Variants in BFSP1 observed in about 807,000 individuals in gnomAD.
BFSP1 encodes the protein filensin.
BFSP1 carries 38 observed loss-of-function variants against 43.9 expected under a neutral mutation model. The ratio of observed to expected loss-of-function variants is 0.87; its 90% CI spans 0.67 to 1.14. The LOEUF (loss-of-function observed/expected upper bound fraction) is 1.14. Ranked by LOEUF, BFSP1 falls within the 50% of genes most tolerant of loss-of-function variation. BFSP1 has a pLI of 0.00. For synonymous variants in BFSP1, 352 were observed against 354.8 expected, an observed-to-expected ratio of 0.99 and a Z score of 0.09; for missense variants, 850 against 875.1, an observed-to-expected ratio of 0.97 and a Z score of 0.36.
intron 4 of BFSP1, among the ~76,000 whole-genome samples, chr20:17,509,203 G>C (rs537329454): frequency 6.6e-6 from 1 of 152,314 alleles, no homozygotes; most frequent in Non-Finnish European, 1.5e-5. Flanking sequence ...GCCCCATCAT[G>C]TGATTAGGGT....
rs555798451 is a variant in BFSP1 at position 17,522,743 on chromosome 20, C to A, written c.438+2105G>T. Among the ~76,000 whole-genome samples, 16 of 152,304 alleles carry A rather than the reference C, an allele frequency of 1.1e-4. No individual in the cohort carries two copies. The South Asian group carries it at 3.1e-3, about 30-fold the overall frequency. ...CAGCACCACCAGGTGATGGGCAAGTCATATACATTATTACATCATTTAGTT... is the reference window on the plus strand; with the variant it reads ...CAGCACCACCAGGTGATGGGCAAGTAATATACATTATTACATCATTTAGTT... On this transcript the variant is annotated intron_variant, in intron 2 of 7. Transcript: ENST00000377873.
chr20:17,519,478 C>G (rs1188829352), intron 2 of BFSP1, among the ~76,000 whole-genome samples: 1 of 152,196 alleles, frequency 6.6e-6, no homozygotes, highest in East Asian at 1.9e-4. Context: ...GGGCTGAGGC[C>G]AGACTGATGC....
At chr20:17,536,412 G>A (rs1017734740) in intron 1 of BFSP1, among the ~76,000 whole-genome samples, 14 of 152,152 alleles carry the variant, frequency 9.2e-5, no homozygotes, top group Non-Finnish European at 1.6e-4. Context: ...CATGCCTGTA[G>A]TCTCAGATAC....
upstream of BFSP1, among the ~76,000 whole-genome samples, chr20:17,532,897 G>C (rs1434641058): frequency 6.6e-6 from 1 of 152,084 alleles, no homozygotes; most frequent in Non-Finnish European, 1.5e-5. Flanking sequence ...TAAAGTCATA[G>C]TTATCAAAGA....
At chr20:17,545,703 A>G (rs56240681) in intron 1 of BFSP1, among the ~76,000 whole-genome samples, 23,334 of 152,232 alleles carry the variant, frequency 0.15, 2,128 homozygotes, top group East Asian at 0.36. Context: ...ACAACAGAAA[A>G]CCTAGATGTC....
chr20:17,533,295 AT>A (rs2034577877), upstream of BFSP1, among the ~76,000 whole-genome samples: 4 of 152,254 alleles, frequency 2.6e-5, no homozygotes, highest in Non-Finnish European at 5.9e-5. Flanking sequence ...TACCATGCTG[AT>A]AGCATGGTAA....
intron 5 of BFSP1, 124 bp from the exon 6 acceptor site, chr20:17,499,164 T>C: frequency 1.2e-6 from 1 of 834,478 alleles, no homozygotes; most frequent in East Asian, 2.5e-5. Flanking sequence ...CTCTGTCCAT[T>C]CGAGATTAGC....
chr20:17,493,914 A>C lies in BFSP1; in HGVS notation c.*160T>G. The stretch of plus-strand genomic sequence containing the variant: ...AATTAGACAAAGGATGTGCAAGCAA[A>C]GAAAACATTTTAATGAAGGCTTCGT... On this transcript the variant is annotated 3_prime_UTR_variant, in exon 8 of 8. Coordinates refer to ENST00000377873, the MANE Select transcript of BFSP1 (RefSeq NM_001195.5). 1 of 689,532 alleles carries C rather than the reference A, an allele frequency of 1.5e-6. No individual in the cohort carries two copies. Among genetic ancestry groups the C allele is most frequent in the Non-Finnish European group, 2.4e-6 (1 of 421,916 alleles). The allele number at this position is 689,532 out of a possible 1,614,324, so 42.7% of individuals were successfully genotyped here.
chr20:17,560,881 TCTGA>T (rs1390719187), upstream of BFSP1: 2 of 152,356 alleles, frequency 1.3e-5, no homozygotes, highest in African/African-American at 4.8e-5. Context: ...TTTTTCCTCC[TCTGA>T]CTGTCACTTT....
At chr20:17,547,359 T>A (rs928138554) in intron 1 of BFSP1, among the ~76,000 whole-genome samples, 8 of 152,098 alleles carry the variant, frequency 5.3e-5, no homozygotes, top group Admixed American at 5.2e-4. Context: ...AGGGTTGTCA[T>A]CCTTGCCTAA....
intron 5 of BFSP1, among the ~76,000 whole-genome samples, chr20:17,505,096 C>T (rs536335215): frequency 2.6e-4 from 40 of 152,332 alleles, no homozygotes; most frequent in Middle Eastern, 3.4e-3. Context: ...CACAGAAACT[C>T]TCAGTCCATG....
intron 5 of BFSP1, among the ~76,000 whole-genome samples, chr20:17,508,599 G>T (rs77653098): frequency 1.3e-5 from 2 of 152,054 alleles, no homozygotes; most frequent in Admixed American, 6.5e-5. Flanking sequence ...CCTAAGACTC[G>T]GTGGGGAGGG....
At chr20:17,513,227 G>T (rs1028493900) in intron 3 of BFSP1, among the ~76,000 whole-genome samples, 3 of 152,112 alleles carry the variant, frequency 2.0e-5, no homozygotes, top group African/African-American at 7.2e-5. Flanking sequence ...GCCCTGTCCT[G>T]CCCTTTTCCT....
At chr20:17,551,328 T>C (rs1600682515) in intron 1 of BFSP1, among the ~76,000 whole-genome samples, 1 of 151,586 alleles carries the variant, frequency 6.6e-6, no homozygotes, top group African/African-American at 2.4e-5. Context: ...GGCAGAGAGG[T>C]GCCACACACT....
intron 1 of BFSP1, chr20:17,541,201 T>TAA: frequency 5.9e-6 from 5 of 841,620 alleles, no homozygotes; most frequent in Non-Finnish European, 7.1e-6. Flanking sequence ...ACCCTGTCTC[T>TAA]AAAAAAAAAA....
chr20:17,539,103 TTC>T (rs2034674770), intron 1 of BFSP1, among the ~76,000 whole-genome samples: 1 of 130,170 alleles, frequency 7.7e-6, no homozygotes, highest in Non-Finnish European at 1.7e-5. Context: ...ATATTTCTTC[TTC>T]TTTTTTTTTT....
At chr20:17,514,905 G>C (rs930575360) in intron 2 of BFSP1, 89 bp from the exon 3 acceptor site, 2 of 1,159,446 alleles carry the variant, frequency 1.7e-6, no homozygotes, top group African/African-American at 3.0e-5. Context: ...AGACCACCTG[G>C]GAGCTTACTG....
In BFSP1 at chr20:17,494,059, T is replaced by C. The variant is rs1568674302; in HGVS notation, c.*15A>G. On this transcript the variant is annotated 3_prime_UTR_variant, in exon 8 of 8. Transcript: ENST00000377873. ...GTGGCCCCAAATACATTTTATCCCA[T>C]CAAGCCTGGGCATTTTAAGAGCTCT... The C allele has an allele frequency of 6.3e-7, 1 of 1,597,296 alleles. No individual in the cohort carries two copies. Among genetic ancestry groups the C allele is most frequent in the Non-Finnish European group, 8.5e-7 (1 of 1,170,112 alleles).
chr20:17,537,620 G>A (rs979767762), intron 1 of BFSP1, among the ~76,000 whole-genome samples: 2 of 150,762 alleles, frequency 1.3e-5, no homozygotes, highest in Non-Finnish European at 2.9e-5. Flanking sequence ...TGTGTGCCTG[G>A]TGCTTTGACT....
Sources: gnomAD v4.1 joint callset for allele counts (sites outside exome capture counted in the v4.1 genomes callset) on GRCh38, gnomAD v4.1.1 for gene constraint, MANE v1.5 for transcripts, NCBI Gene and HGNC (gene_info 2026-07-23, HGNC 2026-07-21) for gene names.